The following FSTL3 variants were observed in gnomAD, a reference collection of about 807,000 sequenced individuals.
FSTL3 encodes the protein follistatin-related protein 3.
In FSTL3, 21 loss-of-function variants were observed where a neutral mutation model predicts 28.1. The observed-to-expected ratio is 0.75, with a 90% CI of 0.53 to 1.08. The LOEUF (loss-of-function observed/expected upper bound fraction) is 1.08. Among genes scored for constraint, FSTL3 ranks in the 50% least tolerant of loss-of-function variants. FSTL3 has a pLI of 0.00. For synonymous variants in FSTL3, 199 were observed against 164.2 expected (o/e 1.21, Z -1.62); for missense variants, 400 against 380.9 (o/e 1.05, Z -0.42).
intron 2 of FSTL3, 157 bp downstream of exon 2, chr19:678,134 AC>A: frequency 1.5e-6 from 1 of 672,288 alleles, no homozygotes; most frequent in Non-Finnish European, 2.5e-6. Context: ...GACTGGGGGG[AC>A]TTCCCGGTTC....
In FSTL3 at chr19:677,844, C is replaced by G. The variant is rs2031244622; in HGVS notation, c.156C>G (p.Leu52=). 6.2e-7 allele frequency: 1 copy of G among 1,612,660 alleles called. No homozygotes were observed. The highest frequency in any genetic ancestry group is 1.7e-5 in the Admixed American group (1 of 60,004). Residue 52 remains leucine (L), a synonymous_variant, in exon 2 of 5, where the codon CTC becomes CTG. Coordinates refer to ENST00000166139, the MANE Select transcript of FSTL3 (RefSeq NM_005860.3). ...AGGAGGCCACCTGCAGCCTGGTGCT[C>G]CAGACTGATGTCACCCGGGCCGAGT... ...QGQEATCSLV[L]QTDVTRAECC...
At position 682,979 on chromosome 19, in the gene FSTL3, C is replaced by T. The variant is rs1026088261; in HGVS notation, c.*1271C>T. 4.3e-5 allele frequency: 10 copies of T among 233,084 alleles called. No individual in the cohort carries two copies. Among genetic ancestry groups the T allele is most frequent in the Non-Finnish European group, 5.1e-5 (6 of 118,046 alleles). 14.4% of individuals were successfully genotyped at this position (233,084 alleles called of 1,614,324 possible). A position where few individuals can be genotyped will look rare whatever the true frequency, so the allele number is the denominator to read the frequency against. ...CTCCTTGGTCCCCCACAACCTGCCC[C>T]GGCCAGGCCTGCAGACCCAGACTCC... On this transcript the variant is annotated 3_prime_UTR_variant, in exon 5 of 5. Coordinates refer to ENST00000166139, the MANE Select transcript of FSTL3 (RefSeq NM_005860.3).
In FSTL3 at chr19:680,473, C is replaced by G; in HGVS notation, c.489C>G (p.Tyr163Ter). Residue 163 changes from tyrosine to a stop codon, truncating the protein, a stop_gained, in exon 3 of 5, where the codon TAC becomes TAG. Transcript: ENST00000166139. LOFTEE classifies it high-confidence loss of function. ...CRGHPDLSVM[Y>*]RGRCRKSCEH... ...GCCACCCGGACCTGAGCGTCATGTA[C>G]CGGGGCCGCTGCCGCAGTACGTGGG... 1 of 1,250,760 alleles carries G rather than the reference C, an allele frequency of 8.0e-7. No individual in the cohort carries two copies. Among genetic ancestry groups the G allele is most frequent in the Non-Finnish European group, 1.0e-6 (1 of 997,834 alleles). 77.5% of individuals were successfully genotyped at this position (1,250,760 alleles called of 1,614,324 possible).
At position 683,199 on chromosome 19, in the gene FSTL3, C is replaced by T; in HGVS notation, c.*1491C>T. The T allele has an allele frequency of 8.6e-6, 2 of 232,982 alleles. 1 individual carries two copies. The highest frequency in any genetic ancestry group is 1.7e-5 in the Non-Finnish European group (2 of 117,606). 14.4% of individuals were successfully genotyped at this position (232,982 alleles called of 1,614,324 possible). On this transcript the variant is annotated 3_prime_UTR_variant, in exon 5 of 5. Transcript: ENST00000166139. The stretch of plus-strand genomic sequence containing the variant: ...AGAGGACAACACGGAGGATATCCAG[C>T]TTCCCCGGTCTGGGGTGAGGAATGT...
intron 2 of FSTL3, chr19:680,040 C>T (rs1194858323): frequency 3.8e-6 from 1 of 261,878 alleles, no homozygotes; most frequent in Non-Finnish European, 7.1e-6. Context: ...GAGCCCAGCC[C>T]CCGCCCCCCA....
In FSTL3 at chr19:682,209, G is replaced by A. The variant is rs1157549576; in HGVS notation, c.*501G>A. ...AGGGTCTAGCCTGGGTGAGTACGGA[G>A]GGTCTAGCCTGGGTGAGTACGGAGG... On this transcript the variant is annotated 3_prime_UTR_variant, in exon 5 of 5. Transcript: ENST00000166139. The A allele has an allele frequency of 9.9e-6, 3 of 302,212 alleles. No homozygotes were observed. The highest frequency in any genetic ancestry group is 1.9e-5 in the Non-Finnish European group (3 of 157,986). The allele number at this position is 302,212 out of a possible 1,614,324, so 18.7% of individuals were successfully genotyped here. A position where few individuals can be genotyped will look rare whatever the true frequency, so the allele number is the denominator to read the frequency against.
chr19:680,437 G>C lies in FSTL3; in HGVS notation c.453G>C (p.Ala151=). The C allele has an allele frequency of 2.4e-6, 3 of 1,265,004 alleles. No individual in the cohort carries two copies. Among genetic ancestry groups the C allele is most frequent in the Non-Finnish European group, 3.0e-6 (3 of 1,007,498 alleles). The allele number at this position is 1,265,004 out of a possible 1,614,324, so 78.4% of individuals were successfully genotyped here. Residue 151 remains alanine (A), a synonymous_variant, in exon 3 of 5, where the codon GCG becomes GCC. Coordinates refer to ENST00000166139, the MANE Select transcript of FSTL3 (RefSeq NM_005860.3). ...TYRDECELRA[A]RCRGHPDLSV... ...GCGACGAGTGCGAGCTGCGCGCCGC[G>C]CGCTGCCGCGGCCACCCGGACCTGA...
intron 3 of FSTL3, 136 bp from the exon 4 acceptor site, chr19:681,197 G>GC (rs2031325426): frequency 4.9e-6 from 3 of 615,432 alleles, no homozygotes; most frequent in African/African-American, 3.9e-5. Flanking sequence ...GGGGCTCACG[G>GC]GGGGCGGGGG....
chr19:680,145 C>G (rs1040682307), intron 2 of FSTL3, 129 bp from the exon 3 acceptor site: 264 of 462,440 alleles, frequency 5.7e-4, no homozygotes, highest in African/African-American at 5.1e-3. Flanking sequence ...CCGACTGACC[C>G]TGACCTGGGA....
At position 681,472 on chromosome 19, in the gene FSTL3, C is replaced by A; in HGVS notation, c.645C>A (p.Asn215Lys). The A allele has an allele frequency of 1.2e-6, 2 of 1,601,940 alleles. No individual in the cohort carries two copies. Among genetic ancestry groups the A allele is most frequent in the Non-Finnish European group, 1.7e-6 (2 of 1,179,676 alleles). The change falls in exon 4 of 5, where the codon AAC becomes AAA. Residue 215 changes from asparagine (N) to lysine (K), a missense_variant. Coordinates refer to ENST00000166139, the MANE Select transcript of FSTL3 (RefSeq NM_005860.3). ...GCCAGGAGCTTTGCGGCAACAACAA[C>A]GTCACCTACATCTCCTCGTGCCACA... ...SPGQELCGNN[N>K]VTYISSCHMR... is the part of the protein sequence containing the mutation.
intron 3 of FSTL3, chr19:680,729 G>A: frequency 2.7e-6 from 1 of 365,494 alleles, no homozygotes; most frequent in Non-Finnish European, 4.9e-6. Context: ...CGTAGGGGCG[G>A]GGCCTCCAGC....
rs1306655541 is a variant in FSTL3 at position 676,441 on chromosome 19, A to G, written c.18A>G (p.Pro6=). MRPGA[P]GPLWPLPWGA... is the part of the protein sequence containing the mutation. ...CGTTCGCCATGCGTCCCGGGGCGCC[A>G]GGGCCACTCTGGCCTCTGCCCTGGG... Residue 6 remains proline, a synonymous_variant, in exon 1 of 5, where the codon CCA becomes CCG. Transcript: ENST00000166139. The G allele has an allele frequency of 5.8e-6, 7 of 1,211,758 alleles. No homozygotes were observed. Among genetic ancestry groups the G allele is most frequent in the South Asian group, 3.4e-5 (1 of 29,848 alleles). 75.1% of individuals were successfully genotyped at this position (1,211,758 alleles called of 1,614,324 possible).
In FSTL3 at chr19:680,278, G is replaced by C. The variant is rs1419978804; in HGVS notation, c.294G>C (p.Ser98=). 1.5e-6 allele frequency: 2 copies of C among 1,329,862 alleles called. No homozygotes were observed. Among genetic ancestry groups the C allele is most frequent in the East Asian group, 6.6e-5 (2 of 30,342 alleles). 82.4% of individuals were successfully genotyped at this position (1,329,862 alleles called of 1,614,324 possible). The change falls in exon 3 of 5, where the codon TCG becomes TCC. Residue 98 remains serine, a synonymous_variant. Transcript: ENST00000166139. ...GCGCGTGTCCTCTGTCCGCAGATTC[G>C]TGCGACGGCGTGGAGTGCGGCCCGG... ...GLVHCLPCKD[S]CDGVECGPGK...
Position 680,403 on chromosome 19 carries a change from C to T in FSTL3, c.419C>T (p.Ala140Val). 7.8e-7 allele frequency: 1 copy of T among 1,274,164 alleles called. No homozygotes were observed. The highest frequency in any genetic ancestry group is 9.9e-7 in the Non-Finnish European group (1 of 1,012,544). 78.9% of individuals were successfully genotyped at this position (1,274,164 alleles called of 1,614,324 possible). A position where few individuals can be genotyped will look rare whatever the true frequency, so the allele number is the denominator to read the frequency against. ...ARLQVCGSDGATYRDECELRA... is the reference protein window; with the variant it reads ...ARLQVCGSDGVTYRDECELRA... ...CTGCAGGTCTGCGGCTCAGACGGCG[C>T]CACCTACCGCGACGAGTGCGAGCTG... The change falls in exon 3 of 5, where the codon GCC becomes GTC. Residue 140 changes from alanine (A) to valine (V), a missense_variant. Physicochemically the swap from Ala to Val is moderately conservative, Grantham distance 64. Transcript: ENST00000166139.
intron 2 of FSTL3, among the ~76,000 whole-genome samples, chr19:678,357 G>T (rs1484746396): frequency 6.6e-6 from 1 of 152,180 alleles, no homozygotes; most frequent in Non-Finnish European, 1.5e-5. Context: ...CAGGGTCTGC[G>T]GTGGGGTTAC....
At chr19:677,665 T>G in intron 1 of FSTL3, 127 bp from the exon 2 acceptor site, 1 of 951,162 alleles carries the variant, frequency 1.1e-6, no homozygotes, top group Non-Finnish European at 1.5e-6. Context: ...TTTCTGCCCC[T>G]TCTTCCTGGG....
chr19:678,079 CAG>C (rs1451689208), intron 2 of FSTL3, 102 bp downstream of exon 2: 1 of 1,137,814 alleles, frequency 8.8e-7, no homozygotes, highest in Non-Finnish European at 1.3e-6. Context: ...GAGCCCGTCA[CAG>C]GGGTATGTAG....
At chr19:681,229 A>T in intron 3 of FSTL3, 104 bp from the exon 4 acceptor site, 1 of 729,702 alleles carries the variant, frequency 1.4e-6, no homozygotes, top group Non-Finnish European at 2.2e-6. Context: ...CTCCTACCAG[A>T]GGGTTTTCGC....
At chr19:679,696 G>A (rs1216859630) in intron 2 of FSTL3, among the ~76,000 whole-genome samples, 1 of 152,208 alleles carries the variant, frequency 6.6e-6, no homozygotes, top group Non-Finnish European at 1.5e-5. Flanking sequence ...ATCCCTGTCT[G>A]AGCAGCGGGG....
Sources: allele counts gnomAD v4.1 joint callset (sites outside exome capture counted in the v4.1 genomes callset), GRCh38; gene constraint gnomAD v4.1.1; transcripts MANE v1.5; gene names NCBI Gene and HGNC (gene_info 2026-07-23, HGNC 2026-07-21).